The following PABPC1L variants were observed in gnomAD, a reference collection of about 807,000 sequenced individuals.
PABPC1L encodes the protein polyadenylate-binding protein 1-like.
A neutral mutation model predicts 66.6 loss-of-function variants in PABPC1L; 31 were observed. That is an observed-to-expected ratio of 0.47 (90% CI 0.35 to 0.63). PABPC1L has a LOEUF of 0.63. PABPC1L is among the 20% of genes least tolerant of loss of function. PABPC1L has a pLI of 0.00. For synonymous variants in PABPC1L, 348 were observed against 335.1 expected (o/e 1.04, Z -0.42); for missense variants, 722 against 848.8 (o/e 0.85, Z 1.86).
chr20:44,914,430 G>A (rs2066725486), intron 2 of PABPC1L, among the ~76,000 whole-genome samples: 1 of 151,988 alleles, frequency 6.6e-6, no homozygotes, highest in Non-Finnish European at 1.5e-5. Flanking sequence ...GGATGGTCTC[G>A]ATCTCCTGAC....
At chr20:44,935,566 G>C in intron 11 of PABPC1L, 69 bp downstream of exon 11, 2 of 1,341,436 alleles carry the variant, frequency 1.5e-6, no homozygotes, top group Non-Finnish European at 1.0e-6. Context: ...CTTAGCTAAG[G>C]TGTTGGGCCT....
rs182170339 is a variant in PABPC1L, at chr20:44,939,191, C to T, written c.*72C>T. 30 of 717,994 alleles carry T rather than the reference C, an allele frequency of 4.2e-5. No homozygotes were observed. The East Asian group carries it at 7.5e-4, about 18-fold the overall frequency. 44.5% of individuals were successfully genotyped at this position (717,994 alleles called of 1,614,324 possible). A position where few individuals can be genotyped will look rare whatever the true frequency, so the allele number is the denominator to read the frequency against. The stretch of plus-strand genomic sequence containing the variant: ...GTTTCTGGCTCTCAGCCCTAAGGCC[C>T]TGCAAACTCTAACTTATTTCCCAAT... On this transcript the variant is annotated 3_prime_UTR_variant, in exon 15 of 15. Coordinates refer to ENST00000217073, the MANE Select transcript of PABPC1L (RefSeq NM_001372179.1).
intron 1 of PABPC1L, among the ~76,000 whole-genome samples, chr20:44,911,822 A>T (rs957868645): frequency 6.6e-6 from 1 of 152,150 alleles, no homozygotes; most frequent in Non-Finnish European, 1.5e-5. Context: ...CCAGGTATTT[A>T]TGATAAGACT....
rs1205387921 is a variant in PABPC1L, at chr20:44,912,858, A to G, written c.387+5A>G. On this transcript the variant is annotated splice_donor_5th_base_variant and intron_variant, in intron 2 of 14. Coordinates refer to ENST00000217073, the MANE Select transcript of PABPC1L (RefSeq NM_001372179.1). The stretch of plus-strand genomic sequence containing the variant: ...GGGAACATCCTCTCTTGCAAGGTAG[A>G]GGATGAAGGGTGTACGTCTTTGGGT... The G allele has an allele frequency of 3.1e-6, 5 of 1,612,916 alleles. No homozygotes were observed. Among genetic ancestry groups the G allele is most frequent in the Non-Finnish European group, 4.2e-6 (5 of 1,179,124 alleles).
Position 44,939,121 on chromosome 20 carries a change from C to T in PABPC1L, c.*7-5C>T, listed in dbSNP as rs1601130855. 15 of 717,852 alleles carry T rather than the reference C, an allele frequency of 2.1e-5. No individual in the cohort carries two copies. The East Asian group carries it at 4.0e-4, about 19-fold the overall frequency. 44.5% of individuals were successfully genotyped at this position (717,852 alleles called of 1,614,324 possible). On this transcript the variant is annotated splice_region_variant and splice_polypyrimidine_tract_variant and intron_variant, in intron 14 of 14. Transcript: ENST00000217073. ...AAACACTTATTTTTACCTTTTTGTCCTCAGAAAAGGAAATCCTCGCTTCCA... is the reference window on the plus strand; with the variant it reads ...AAACACTTATTTTTACCTTTTTGTCTTCAGAAAAGGAAATCCTCGCTTCCA...
intron 5 of PABPC1L, 81 bp from the exon 6 acceptor site, chr20:44,921,513 C>T (rs1175723333): frequency 6.4e-7 from 1 of 1,554,708 alleles, no homozygotes; most frequent in African/African-American, 1.4e-5. Context: ...TTGCAGGTGG[C>T]CCCTCTAGAT....
chr20:44,937,415 ATTTT>A, intron 12 of PABPC1L, among the ~76,000 whole-genome samples: 1 of 144,006 alleles, frequency 6.9e-6, no homozygotes, highest in East Asian at 2.0e-4. Context: ...TCACCCCGAA[ATTTT>A]TTTTTTTTTC....
chr20:44,914,661 G>A (rs984010064), intron 2 of PABPC1L, among the ~76,000 whole-genome samples: 3 of 152,222 alleles, frequency 2.0e-5, no homozygotes, highest in South Asian at 2.1e-4. Context: ...AGGGTTATCT[G>A]TGACAGAGAG....
Position 44,910,114 on chromosome 20 carries a change from T to C in PABPC1L, c.-30T>C. 1.3e-6 allele frequency: 2 copies of C among 1,528,436 alleles called. No individual in the cohort carries two copies. The highest frequency in any genetic ancestry group is 1.2e-5 in the South Asian group (1 of 83,086). The allele number at this position is 1,528,436 out of a possible 1,614,324, so 94.7% of individuals were successfully genotyped here. On this transcript the variant is annotated 5_prime_UTR_variant, in exon 1 of 15. Coordinates refer to ENST00000217073, the MANE Select transcript of PABPC1L (RefSeq NM_001372179.1). The stretch of plus-strand genomic sequence containing the variant: ...GGCTGCTGGGTGACCCGGCTCCTGC[T>C]TGCCCCGCAGCCCCGGCCCCCTGCC...
At chr20:44,917,292 C>T (rs1423416109) in intron 3 of PABPC1L, among the ~76,000 whole-genome samples, 1 of 152,072 alleles carries the variant, frequency 6.6e-6, no homozygotes, top group Non-Finnish European at 1.5e-5. Flanking sequence ...AAGTAATCCT[C>T]CTGTCTCAGC....
chr20:44,912,026 A>G (rs1287196362), intron 1 of PABPC1L, among the ~76,000 whole-genome samples: 1 of 152,216 alleles, frequency 6.6e-6, no homozygotes, highest in Non-Finnish European at 1.5e-5. Context: ...ACAAAGTTAC[A>G]AACAAGGCAC....
intron 2 of PABPC1L, among the ~76,000 whole-genome samples, chr20:44,915,780 C>G (rs1408234221): frequency 2.6e-5 from 3 of 117,456 alleles, no homozygotes; most frequent in Non-Finnish European, 5.1e-5. Flanking sequence ...GCCTGGGCAA[C>G]AAGAGTGAAA....
intron 2 of PABPC1L, among the ~76,000 whole-genome samples, chr20:44,915,831 CTGT>C (rs1340237285): frequency 6.6e-6 from 1 of 150,744 alleles, no homozygotes; most frequent in Non-Finnish European, 1.5e-5. Flanking sequence ...TGAAATGAGT[CTGT>C]TGTTGCAGTA....
At chr20:44,923,750 C>T (rs988658159) in intron 6 of PABPC1L, among the ~76,000 whole-genome samples, 3 of 152,054 alleles carry the variant, frequency 2.0e-5, no homozygotes, top group Non-Finnish European at 4.4e-5. Context: ...GGGCAGCTCA[C>T]CTGTGTTAGG....
At chr20:44,917,137 A>G (rs932164373) in intron 3 of PABPC1L, among the ~76,000 whole-genome samples, 3 of 152,200 alleles carry the variant, frequency 2.0e-5, no homozygotes, top group African/African-American at 7.2e-5. Context: ...TAATGGTCAT[A>G]TCATCAATGG....
At chr20:44,933,851 A>T (rs2066880813) in intron 10 of PABPC1L, among the ~76,000 whole-genome samples, 1 of 148,156 alleles carries the variant, frequency 6.7e-6, no homozygotes, top group African/African-American at 2.5e-5. Context: ...CCGGGGTTCT[A>T]AGCGATTCTC....
rs367823561 is a variant in PABPC1L at position 44,913,690 on chromosome 20, C to T, written c.387+837C>T. Among the ~76,000 whole-genome samples, 6 of 152,152 alleles carry T rather than the reference C, an allele frequency of 3.9e-5. 1 individual carries two copies. Among genetic ancestry groups the T allele is most frequent in the East Asian group, 3.9e-4 (2 of 5,174 alleles). ...TGCTGGGATTACAGCCATGAGCCAC[C>T]GCACCTGGCCTCTTTCACTACATTC... is the stretch of plus-strand genomic sequence containing the variant. On this transcript the variant is annotated intron_variant, in intron 2 of 14. Transcript: ENST00000217073.
chr20:44,928,881 A>G (rs1450015698), intron 7 of PABPC1L, among the ~76,000 whole-genome samples: 31 of 147,984 alleles, frequency 2.1e-4, no homozygotes, highest in South Asian at 6.2e-4. Context: ...AAAAAAAAAA[A>G]AAAAGAAAAA....
At chr20:44,936,900 G>A (rs908290003) in intron 12 of PABPC1L, 170 bp downstream of exon 12, 2 of 713,502 alleles carry the variant, frequency 2.8e-6, no homozygotes, top group African/African-American at 3.5e-5. Flanking sequence ...CTAGGCACCT[G>A]TTATCTTGTC....
Sources: gnomAD v4.1 joint callset for allele counts (sites outside exome capture counted in the v4.1 genomes callset) on GRCh38, gnomAD v4.1.1 for gene constraint, MANE v1.5 for transcripts, NCBI Gene and HGNC (gene_info 2026-07-23, HGNC 2026-07-21) for gene names.